Variants in BDKRB2 observed in about 807,000 individuals in gnomAD.
BDKRB2 encodes the protein bradykinin receptor B2.
A neutral mutation model predicts 4.0 loss-of-function variants in BDKRB2; 6 were observed. That is an observed-to-expected ratio of 1.49 (90% CI 0.81 to 2.93). The LOEUF is 2.93. Ranked by LOEUF, BDKRB2 falls within the 30% of genes most tolerant of loss-of-function variation. The probability of loss-of-function intolerance (pLI) is 0.00; values close to 1 mark genes in which losing one functional copy is unlikely to be tolerated. For missense variants in BDKRB2, 478 were observed against 520.1 expected, an observed-to-expected ratio of 0.92 and a Z score of 0.79; for synonymous variants, 225 against 215.3, an observed-to-expected ratio of 1.05 and a Z score of -0.40.
At chr14:96,216,895 A>T (rs866417306) in intron 1 of BDKRB2, among the ~76,000 whole-genome samples, 2 of 152,224 alleles carry the variant, frequency 1.3e-5, no homozygotes, top group African/African-American at 4.8e-5. Flanking sequence ...CAATCGGCAC[A>T]TCCTACAAAT....
intron 1 of BDKRB2, among the ~76,000 whole-genome samples, chr14:96,236,032 C>A (rs1890927121): frequency 6.6e-6 from 1 of 152,150 alleles, no homozygotes; most frequent in Non-Finnish European, 1.5e-5. Flanking sequence ...AAGCACAGAG[C>A]CCATGCCTCC....
At chr14:96,236,081 A>G (rs899802708) in intron 1 of BDKRB2, among the ~76,000 whole-genome samples, 15 of 152,308 alleles carry the variant, frequency 9.8e-5, no homozygotes, top group African/African-American at 4.8e-5. Flanking sequence ...GAAGAGGGGT[A>G]GAGACAAGGG....
chr14:96,227,560 C>T (rs1890724332), intron 1 of BDKRB2, among the ~76,000 whole-genome samples: 1 of 152,102 alleles, frequency 6.6e-6, no homozygotes, highest in Non-Finnish European at 1.5e-5. Flanking sequence ...CACACACAAA[C>T]ACACACATGT....
intron 1 of BDKRB2, among the ~76,000 whole-genome samples, chr14:96,215,945 G>A (rs543823947): frequency 5.3e-5 from 8 of 152,284 alleles, no homozygotes; most frequent in Middle Eastern, 6.8e-3. Context: ...TATGACTCCC[G>A]TTCTCCCTGT....
intron 1 of BDKRB2, among the ~76,000 whole-genome samples, chr14:96,213,156 G>A (rs1006374342): frequency 6.6e-6 from 1 of 152,168 alleles, no homozygotes; most frequent in East Asian, 1.9e-4. Flanking sequence ...GACTACTGCT[G>A]TGCCAACACA....
chr14:96,228,801 C>A (rs1033680599), intron 1 of BDKRB2, among the ~76,000 whole-genome samples: 1 of 152,210 alleles, frequency 6.6e-6, no homozygotes, highest in African/African-American at 2.4e-5. Flanking sequence ...GTCCATATCA[C>A]CTGCACCAAG....
At chr14:96,227,906 C>T (rs147747797) in intron 1 of BDKRB2, among the ~76,000 whole-genome samples, 39 of 152,318 alleles carry the variant, frequency 2.6e-4, no homozygotes, top group African/African-American at 7.0e-4. Context: ...GGGTGGCTGC[C>T]AATTTTGCTG....
intron 1 of BDKRB2, among the ~76,000 whole-genome samples, chr14:96,220,291 A>G (rs1433571227): frequency 6.6e-6 from 1 of 151,748 alleles, no homozygotes; most frequent in African/African-American, 2.4e-5. Flanking sequence ...GTCTATCAGG[A>G]CTCTACATTA....
intron 2 of BDKRB2, 153 bp from the exon 3 acceptor site, chr14:96,240,250 A>G (rs1234716487): frequency 7.5e-7 from 1 of 1,327,976 alleles, no homozygotes; most frequent in Non-Finnish European, 9.6e-7. Context: ...AGTCAGGTGC[A>G]CTGGAGCGCG....
intron 1 of BDKRB2, among the ~76,000 whole-genome samples, chr14:96,218,528 C>T (rs1890479651): frequency 6.6e-6 from 1 of 152,118 alleles, no homozygotes; most frequent in East Asian, 1.9e-4. Context: ...CAAGGGAAGC[C>T]CAAGGACATG....
chr14:96,229,413 G>C (rs1023186066), intron 1 of BDKRB2, among the ~76,000 whole-genome samples: 1 of 152,102 alleles, frequency 6.6e-6, no homozygotes, highest in African/African-American at 2.4e-5. Context: ...GCCTTGGACC[G>C]AAGCTCCTGC....
chr14:96,221,966 C>T (rs76581717), intron 1 of BDKRB2, among the ~76,000 whole-genome samples: 10,021 of 152,096 alleles, frequency 0.066, 460 homozygotes, highest in East Asian at 0.098. Context: ...ATTATCTGCC[C>T]GGAGGCAGCA....
intron 1 of BDKRB2, among the ~76,000 whole-genome samples, chr14:96,224,044 T>C (rs1030181004): frequency 6.6e-6 from 1 of 151,958 alleles, no homozygotes; most frequent in African/African-American, 2.4e-5. Flanking sequence ...GTTGTCTAGT[T>C]ATGCTTTCTG....
intron 1 of BDKRB2, among the ~76,000 whole-genome samples, chr14:96,222,804 T>C (rs192546984): frequency 6.6e-6 from 1 of 152,252 alleles, no homozygotes; most frequent in East Asian, 1.9e-4. Flanking sequence ...ACTTTTTGTA[T>C]TGATTACATA....
chr14:96,237,807 A>G (rs925509935), intron 2 of BDKRB2: 1 of 1,289,790 alleles, frequency 7.8e-7, no homozygotes, highest in Non-Finnish European at 1.0e-6. Flanking sequence ...CTCAGCAGGC[A>G]TCTTTCTGAT....
chr14:96,226,534 A>C lies in BDKRB2; in HGVS notation c.-39-10535A>C, dbSNP rs559248901. ...CTGGGCGTAGTGGTGCATGCCTGTA[A>C]TCCCAGCTACCTGGGAGGCTGAGGC... On this transcript the variant is annotated intron_variant, in intron 1 of 2. Coordinates refer to ENST00000554311, the MANE Select transcript of BDKRB2 (RefSeq NM_001379692.1). Among the ~76,000 whole-genome samples the C allele has an allele frequency of 3.4e-4, 52 of 152,234 alleles. 1 individual carries two copies. The South Asian group carries it at 8.3e-3, about 24-fold the overall frequency.
intron 1 of BDKRB2, among the ~76,000 whole-genome samples, chr14:96,216,106 G>A (rs1890411523): frequency 2.0e-5 from 3 of 152,316 alleles, no homozygotes; most frequent in South Asian, 4.1e-4. Flanking sequence ...AGGAAAGTAG[G>A]CAAGCTCATG....
chr14:96,231,905 G>C (rs1369768826), intron 1 of BDKRB2, among the ~76,000 whole-genome samples: 2 of 152,202 alleles, frequency 1.3e-5, no homozygotes, highest in Non-Finnish European at 2.9e-5. Context: ...GATGCAGAGG[G>C]AGAGGGAGAA....
At chr14:96,227,265 G>A (rs1890717534) in intron 1 of BDKRB2, among the ~76,000 whole-genome samples, 1 of 152,240 alleles carries the variant, frequency 6.6e-6, no homozygotes, top group African/African-American at 2.4e-5. Flanking sequence ...AGCATGTGAA[G>A]TATTGTTTAA....
Sources: gnomAD v4.1 joint callset for allele counts (sites outside exome capture counted in the v4.1 genomes callset) on GRCh38, gnomAD v4.1.1 for gene constraint, MANE v1.5 for transcripts, NCBI Gene and HGNC (gene_info 2026-07-23, HGNC 2026-07-21) for gene names.